CHRM3: variants seen among roughly 807,000 people sequenced by gnomAD.
CHRM3 encodes cholinergic receptor muscarinic 3, also known as muscarinic acetylcholine receptor M3.
CHRM3 carries 11 observed loss-of-function variants against 41.8 expected under a neutral mutation model. That is an observed-to-expected ratio of 0.26 (90% confidence interval 0.17 to 0.44). The LOEUF is 0.44. CHRM3 is among the 20% of genes least tolerant of loss of function. CHRM3 has a pLI of 1.00. For synonymous variants in CHRM3, 297 were observed against 301.4 expected, an observed-to-expected ratio of 0.99 and a Z score of 0.15; for missense variants, 571 against 745.4, an observed-to-expected ratio of 0.77 and a Z score of 2.72.
intron 3 of CHRM3, among the ~76,000 whole-genome samples, chr1:239,548,541 T>G (rs891600059): frequency 6.6e-6 from 1 of 152,252 alleles, no homozygotes; most frequent in Non-Finnish European, 1.5e-5. Context: ...TGTTTATTTT[T>G]GCAATAGCTT....
intron 3 of CHRM3, among the ~76,000 whole-genome samples, chr1:239,562,580 T>TATG (rs1351998013): frequency 1.5e-4 from 22 of 150,746 alleles, no homozygotes; most frequent in Non-Finnish European, 3.0e-4. Context: ...TGATGATGAT[T>TATG]ATTATTATTA....
Position 239,907,526 on chromosome 1 carries a change from C to A in CHRM3, c.75C>A (p.Ser25=), listed in dbSNP as rs202042494. The change falls in exon 7 of 7, where the codon TCC becomes TCA. Residue 25 remains serine (S), a synonymous_variant. Transcript: ENST00000676153. The surrounding 1 kb of genome is among the most constrained non-coding windows in gnomAD (Gnocchi z 5.4). The part of the protein sequence containing the change: ...NISSSWIHSP[S]DAGLPPGTVT... ...GCTCCTCCTGGATACACAGCCCCTC[C>A]GATGCAGGGCTGCCCCCGGGAACCG... The A allele has an allele frequency of 6.2e-7, 1 of 1,614,194 alleles. No homozygotes were observed. Among genetic ancestry groups the A allele is most frequent in the Non-Finnish European group, 8.5e-7 (1 of 1,180,038 alleles).
At chr1:239,854,007 G>A (rs1394123735) in intron 6 of CHRM3, among the ~76,000 whole-genome samples, 1 of 151,950 alleles carries the variant, frequency 6.6e-6, no homozygotes, top group African/African-American at 2.4e-5. Context: ...ATTGCTCTGT[G>A]TTTTCATTTT....
chr1:239,636,937 C>A (rs1670521476), intron 4 of CHRM3, among the ~76,000 whole-genome samples: 1 of 152,074 alleles, frequency 6.6e-6, no homozygotes, highest in African/African-American at 2.4e-5. Flanking sequence ...CATAAAATGG[C>A]AATATTTGGA....
At chr1:239,472,402 G>C (rs113050793) in intron 1 of CHRM3, among the ~76,000 whole-genome samples, 5 of 152,206 alleles carry the variant, frequency 3.3e-5, no homozygotes, top group African/African-American at 4.8e-5. Flanking sequence ...AGCCCTCATT[G>C]CTGGAAGCTC....
At chr1:239,572,679 T>C (rs1226346343) in intron 3 of CHRM3, among the ~76,000 whole-genome samples, 1 of 152,206 alleles carries the variant, frequency 6.6e-6, no homozygotes, top group Non-Finnish European at 1.5e-5. Context: ...GGTTTTATAG[T>C]TTATTTGAAC....
At chr1:239,417,395 A>G (rs1434817008) in intron 1 of CHRM3, among the ~76,000 whole-genome samples, 1 of 152,182 alleles carries the variant, frequency 6.6e-6, no homozygotes, top group Non-Finnish European at 1.5e-5. Flanking sequence ...CTGAATCACC[A>G]GATCTGCAGG....
intron 5 of CHRM3, among the ~76,000 whole-genome samples, chr1:239,783,956 C>A (rs1272881581): frequency 2.0e-5 from 3 of 152,114 alleles, no homozygotes; most frequent in African/African-American, 7.2e-5. Flanking sequence ...TGAGAACGTG[C>A]AGTATTTGGT....
chr1:239,485,564 G>T (rs1036091378), intron 1 of CHRM3, among the ~76,000 whole-genome samples: 1 of 152,112 alleles, frequency 6.6e-6, no homozygotes, highest in Non-Finnish European at 1.5e-5. Context: ...ACAGGCATGA[G>T]CCACCACACC....
chr1:239,489,144 T>C (rs1404998103), intron 1 of CHRM3, among the ~76,000 whole-genome samples: 1 of 152,200 alleles, frequency 6.6e-6, no homozygotes, highest in Non-Finnish European at 1.5e-5. Flanking sequence ...CCAGGCGTGG[T>C]GGCTCACGCC....
At chr1:239,520,514 C>T (rs950541266) in intron 2 of CHRM3, among the ~76,000 whole-genome samples, 1 of 152,116 alleles carries the variant, frequency 6.6e-6, no homozygotes, top group Non-Finnish European at 1.5e-5. Context: ...CTGGCTTCAC[C>T]CTCCACCATG....
intron 3 of CHRM3, among the ~76,000 whole-genome samples, chr1:239,549,902 T>C (rs1659653758): frequency 6.6e-6 from 1 of 151,820 alleles, no homozygotes; most frequent in Non-Finnish European, 1.5e-5. Context: ...CCCCTAACTT[T>C]ACATATAACA....
intron 5 of CHRM3, among the ~76,000 whole-genome samples, chr1:239,690,058 GAGAGA>G (rs1659562188): frequency 2.1e-5 from 2 of 94,506 alleles, no homozygotes; most frequent in African/African-American, 6.3e-5. Context: ...GAGAGAGAGA[GAGAGA>G]GAGACAGAGA....
intron 5 of CHRM3, among the ~76,000 whole-genome samples, chr1:239,798,711 C>A (rs1669985059): frequency 6.6e-6 from 1 of 152,156 alleles, no homozygotes; most frequent in Non-Finnish European, 1.5e-5. Context: ...TTCACTGACA[C>A]AGGGAGAAAG....
At chr1:239,631,581 G>C (rs556856362) in intron 3 of CHRM3, among the ~76,000 whole-genome samples, 1 of 152,230 alleles carries the variant, frequency 6.6e-6, no homozygotes, top group Non-Finnish European at 1.5e-5. Context: ...TGCAAAGCCT[G>C]GCACTTCTTT....
chr1:239,614,269 T>C (rs1401935372), intron 3 of CHRM3, among the ~76,000 whole-genome samples: 1 of 152,208 alleles, frequency 6.6e-6, no homozygotes, highest in African/African-American at 2.4e-5. Context: ...ATCCTGCCTG[T>C]GCTTTCCTAG....
chr1:239,482,937 A>G (rs1666954081), intron 1 of CHRM3, among the ~76,000 whole-genome samples: 1 of 152,148 alleles, frequency 6.6e-6, no homozygotes, highest in African/African-American at 2.4e-5. Flanking sequence ...TTATACTTCT[A>G]AAGCATTTTG....
intron 5 of CHRM3, among the ~76,000 whole-genome samples, chr1:239,777,956 TC>T (rs1377420135): frequency 6.6e-6 from 1 of 151,538 alleles, no homozygotes; most frequent in Admixed American, 6.6e-5. Context: ...CTCAGGGAGG[TC>T]CGGGGAAAGG....
chr1:239,859,417 TTG>T (rs1260915284), intron 6 of CHRM3, among the ~76,000 whole-genome samples: 3,062 of 110,866 alleles, frequency 0.028, 113 homozygotes, highest in African/African-American at 0.1. Flanking sequence ...GTTGTTGTTG[TTG>T]TTTTTTTTTT....
Sources: gnomAD v4.1 joint callset for allele counts (sites outside exome capture counted in the v4.1 genomes callset) on GRCh38, gnomAD v4.1.1 for gene constraint, Gnocchi (gnomAD v3.1) non-coding constraint, MANE v1.5 for transcripts, NCBI Gene and HGNC (gene_info 2026-07-23, HGNC 2026-07-21) for gene names.